HMX1: variants seen among roughly 807,000 people sequenced by gnomAD.
HMX1 encodes H6 family homeobox 1, also known as homeobox protein HMX1.
HMX1 carries 8 observed loss-of-function variants against 8.9 expected under a neutral mutation model. The ratio of observed to expected loss-of-function variants is 0.90; its 90% CI spans 0.53 to 1.63. The LOEUF is 1.63. Among genes scored for constraint, HMX1 ranks in the 40% most tolerant of loss-of-function variants. HMX1 has a pLI of 0.00. For synonymous variants in HMX1, 311 were observed against 283.4 expected (o/e 1.10, Z -0.98); for missense variants, 621 against 558.5 (o/e 1.11, Z -1.13).
chr4:8,863,354 G>A (rs1247755371), downstream of HMX1, among the ~76,000 whole-genome samples: 1 of 152,228 alleles, frequency 6.6e-6, no homozygotes, highest in Admixed American at 6.5e-5. Flanking sequence ...GACAGAAAGG[G>A]AAAGAGAAGC....
At position 8,853,472 on chromosome 4, in the gene HMX1, G is replaced by A. The variant is rs547165263; in HGVS notation, c.395-7148C>T. On this transcript the variant is annotated intron_variant, in intron 1 of 1. Coordinates refer to the HMX1 transcript ENST00000506970. This position sits in a 1 kb window ranked among gnomAD's most constrained non-coding sequence, Gnocchi z 4.7. ...GGTCAGAACCACATCATGTGACCGG[G>A]CTGAGCTGCAAGGGAGGCTGGGAAA... Among the ~76,000 whole-genome samples, 1 of 152,196 alleles carries A rather than the reference G, an allele frequency of 6.6e-6. No homozygotes were observed. Among genetic ancestry groups the A allele is most frequent in the Non-Finnish European group, 1.5e-5 (1 of 68,032 alleles).
At chr4:8,864,620 T>C (rs1472682452), downstream of HMX1, among the ~76,000 whole-genome samples, 1 of 152,220 alleles carries the variant, frequency 6.6e-6, no homozygotes, top group East Asian at 1.9e-4. Flanking sequence ...CAGGGCTCTC[T>C]GGGTTCCAGG....
chr4:8,854,292 G>GC (rs1227453632), intron 1 of HMX1, among the ~76,000 whole-genome samples: 1 of 152,262 alleles, frequency 6.6e-6, no homozygotes, highest in East Asian at 1.9e-4. Context: ...CAGGGCCTGG[G>GC]CCCCATACAG....
At chr4:8,869,498 A>C (rs1315685106) in intron 1 of HMX1, among the ~76,000 whole-genome samples, 1 of 152,208 alleles carries the variant, frequency 6.6e-6, no homozygotes, top group African/African-American at 2.4e-5. Context: ...GTGTGCCTGC[A>C]GTGTATTTGC....
downstream of HMX1, among the ~76,000 whole-genome samples, chr4:8,862,959 G>A (rs976224008): frequency 4.6e-5 from 7 of 152,196 alleles, no homozygotes; most frequent in East Asian, 5.8e-4. Context: ...CCACCTCTCC[G>A]TTTCCCTCCA....
chr4:8,856,824 C>T (rs985950444), intron 1 of HMX1, among the ~76,000 whole-genome samples: 1 of 152,204 alleles, frequency 6.6e-6, no homozygotes, highest in Admixed American at 6.5e-5. Context: ...CGCAGTGGCT[C>T]AAGCCTGTAA....
chr4:8,850,260 G>C (rs763258317), intron 1 of HMX1, among the ~76,000 whole-genome samples: 1 of 152,114 alleles, frequency 6.6e-6, no homozygotes, highest in East Asian at 1.9e-4. Flanking sequence ...ACCTCTGCCC[G>C]TGCCCGCCTG....
Position 8,867,569 on chromosome 4 carries a change from G to C in HMX1, c.*124C>G, listed in dbSNP as rs1722044715. The C allele has an allele frequency of 7.6e-6, 9 of 1,187,532 alleles. No individual in the cohort carries two copies. Among genetic ancestry groups the C allele is most frequent in the Non-Finnish European group, 9.4e-6 (9 of 959,592 alleles). The allele number at this position is 1,187,532 out of a possible 1,614,324, so 73.6% of individuals were successfully genotyped here. On this transcript the variant is annotated 3_prime_UTR_variant, in exon 2 of 2. Coordinates refer to ENST00000400677, the MANE Select transcript of HMX1 (RefSeq NM_018942.3). Reference sequence around the variant, plus strand: ...CCCGGCCGCGGCCTGCGCTCCCGAGGTATCTAGGAGGCCGCAGGAGCGACC... The same window carrying C: ...CCCGGCCGCGGCCTGCGCTCCCGAGCTATCTAGGAGGCCGCAGGAGCGACC...
At chr4:8,862,654 C>G (rs1016616571), downstream of HMX1, among the ~76,000 whole-genome samples, 1 of 152,202 alleles carries the variant, frequency 6.6e-6, no homozygotes, top group Non-Finnish European at 1.5e-5. Flanking sequence ...AATCCACACT[C>G]AAAGGCAGTT....
intron 1 of HMX1, chr4:8,846,374 A>G: frequency 7.2e-7 from 1 of 1,396,128 alleles, no homozygotes; most frequent in South Asian, 1.3e-5. Context: ...TGTCTGCACA[A>G]GGTGTCAGCT....
At position 8,853,959 on chromosome 4, in the gene HMX1, C is replaced by T. The variant is rs139551966; in HGVS notation, c.395-7635G>A. Among the ~76,000 whole-genome samples the T allele has an allele frequency of 0.02, 3,070 of 152,228 alleles. 76 individuals are homozygous for T. Among genetic ancestry groups the T allele is most frequent in the South Asian group, 0.078 (376 of 4,822 alleles). On this transcript the variant is annotated intron_variant, in intron 1 of 1. Transcript: ENST00000506970. The surrounding 1 kb of genome is among the most constrained non-coding windows in gnomAD (Gnocchi z 4.7). Reference sequence around the variant, plus strand: ...CTTTTTATAAAGCTTTTTGCTTTTGCGTTTACATCTTGAACCAGCCTGAGA... The same window carrying T: ...CTTTTTATAAAGCTTTTTGCTTTTGTGTTTACATCTTGAACCAGCCTGAGA...
chr4:8,858,341 G>T (rs1007942290), intron 1 of HMX1, among the ~76,000 whole-genome samples: 2 of 152,034 alleles, frequency 1.3e-5, no homozygotes, highest in African/African-American at 4.8e-5. Flanking sequence ...CCGACCGGCA[G>T]AGAAAGAGCG....
chr4:8,859,632 C>G (rs898070679), intron 1 of HMX1, among the ~76,000 whole-genome samples: 4 of 152,214 alleles, frequency 2.6e-5, no homozygotes, highest in Admixed American at 2.0e-4. Flanking sequence ...GCTCAGCATC[C>G]TCATCTCCTC....
Position 8,867,851 on chromosome 4 carries a change from C to T in HMX1, c.889G>A (p.Gly297Arg), listed in dbSNP as rs1327986340. The change falls in exon 2 of 2, where the codon GGG (glycine) becomes AGG (arginine). Residue 297 changes from glycine (G) to arginine (R), a missense_variant. By Grantham distance (125) the Gly-to-Arg change is moderately radical. Coordinates refer to ENST00000400677, the MANE Select transcript of HMX1 (RefSeq NM_018942.3). ...HESPPAAAAA[G>R]PPATLPFPLA... ...GGGAAGGGCAGGGTGGCCGGGGGCC[C>T]AGCGGCGGCTGCGGCCGGGGGGCTT... The T allele has an allele frequency of 8.1e-7, 1 of 1,241,318 alleles. No individual in the cohort carries two copies. The highest frequency in any genetic ancestry group is 3.5e-5 in the South Asian group (1 of 28,928). The allele number at this position is 1,241,318 out of a possible 1,614,324, so 76.9% of individuals were successfully genotyped here. A position where few individuals can be genotyped will look rare whatever the true frequency, so the allele number is the denominator to read the frequency against.
rs1431251211 is a variant in HMX1 at position 8,853,184 on chromosome 4, G to T, written c.395-6860C>A. Among the ~76,000 whole-genome samples, 3 of 152,148 alleles carry T rather than the reference G, an allele frequency of 2.0e-5. No homozygotes were observed. The highest frequency in any genetic ancestry group is 4.4e-5 in the Non-Finnish European group (3 of 68,034). Reference sequence around the variant, plus strand: ...AGCCAAGTCATGGTAGCTTACACAAGACAGAAAGTTTTGTTTGTTTCTCAC... The same window carrying T: ...AGCCAAGTCATGGTAGCTTACACAATACAGAAAGTTTTGTTTGTTTCTCAC... On this transcript the variant is annotated intron_variant, in intron 1 of 1. Coordinates refer to the HMX1 transcript ENST00000506970. This position sits in a 1 kb window ranked among gnomAD's most constrained non-coding sequence, Gnocchi z 4.7.
In HMX1 at chr4:8,868,319, C is replaced by G; in HGVS notation, c.421G>C (p.Gly141Arg). The change falls in exon 2 of 2, where the codon GGC becomes CGC. Residue 141 changes from glycine to arginine, a missense_variant. Gly to Arg is a moderately radical substitution (Grantham distance 125, BLOSUM62 -2). Coordinates refer to ENST00000400677, the MANE Select transcript of HMX1 (RefSeq NM_018942.3). The surrounding 1 kb of genome is among the most constrained non-coding windows in gnomAD (Gnocchi z 4.6). ...CCCTCCGCACGGCCCATCTCCTCGC[C>G]CGTCTCCGGTGAGTCCCGGTCGCTG... is the stretch of plus-strand genomic sequence containing the variant. ...DTSDRDSPET[G>R]EEMGRAEGAW... 4 of 1,432,756 alleles carry G rather than the reference C, an allele frequency of 2.8e-6. No individual in the cohort carries two copies. Among genetic ancestry groups the G allele is most frequent in the Non-Finnish European group, 3.6e-6 (4 of 1,098,564 alleles). 88.8% of individuals were successfully genotyped at this position (1,432,756 alleles called of 1,614,324 possible).
In HMX1 at chr4:8,868,278, G is replaced by A; in HGVS notation, c.462C>T (p.Gly154=). ...CCCGCTGCACCGCTCCCGGCCCGGG[G>A]CCTCGCGGCCAGGCGCCCTCCGCAC... is the stretch of plus-strand genomic sequence containing the variant. ...MGRAEGAWPR[G]PGPGAVQREA... is the part of the protein sequence containing the mutation. The change falls in exon 2 of 2, where the codon GGC becomes GGT. Residue 154 remains glycine, a synonymous_variant. Transcript: ENST00000400677. This position sits in a 1 kb window ranked among gnomAD's most constrained non-coding sequence, Gnocchi z 4.6. The A allele has an allele frequency of 3.5e-6, 5 of 1,439,940 alleles. No homozygotes were observed. Among genetic ancestry groups the A allele is most frequent in the Non-Finnish European group, 4.5e-6 (5 of 1,102,568 alleles). The allele number at this position is 1,439,940 out of a possible 1,614,324, so 89.2% of individuals were successfully genotyped here.
At chr4:8,861,323 C>G (rs1396939995) in intron 1 of HMX1, among the ~76,000 whole-genome samples, 1 of 152,192 alleles carries the variant, frequency 6.6e-6, no homozygotes, top group African/African-American at 2.4e-5. Context: ...AGGGGCGGGT[C>G]GGGATCAGAG....
chr4:8,871,708 G>A lies in HMX1; in HGVS notation c.-94C>T. ...CCGGGCGCACGCGCGGGCCGGCCCTGGAGCTGCTACCCGGACCGCTGGCGT... is the reference window on the plus strand; with the variant it reads ...CCGGGCGCACGCGCGGGCCGGCCCTAGAGCTGCTACCCGGACCGCTGGCGT... On this transcript the variant is annotated 5_prime_UTR_variant, in exon 1 of 2. Transcript: ENST00000400677. This position sits in a 1 kb window ranked among gnomAD's most constrained non-coding sequence, Gnocchi z 4.8. 9.1e-7 allele frequency: 1 copy of A among 1,096,736 alleles called. No individual in the cohort carries two copies. 67.9% of individuals were successfully genotyped at this position (1,096,736 alleles called of 1,614,324 possible). A position where few individuals can be genotyped will look rare whatever the true frequency, so the allele number is the denominator to read the frequency against.
Sources: allele counts gnomAD v4.1 joint callset (sites outside exome capture counted in the v4.1 genomes callset), GRCh38; gene constraint gnomAD v4.1.1; non-coding constraint Gnocchi (gnomAD v3.1); transcripts MANE v1.5; gene names NCBI Gene and HGNC (gene_info 2026-07-23, HGNC 2026-07-21).